TRIM37: variants seen among roughly 807,000 people sequenced by gnomAD.
The protein encoded by TRIM37 is E3 ubiquitin-protein ligase TRIM37.
A neutral mutation model predicts 129.8 loss-of-function variants in TRIM37; 80 were observed. The ratio of observed to expected loss-of-function variants is 0.62; its 90% confidence interval spans 0.51 to 0.74. TRIM37 has a LOEUF of 0.74. TRIM37 is among the 30% of genes least tolerant of loss of function. The probability of loss-of-function intolerance (pLI) is 0.00; values close to 1 mark genes in which losing one functional copy is unlikely to be tolerated. For synonymous variants in TRIM37, 389 were observed against 387.1 expected (o/e 1.00, Z -0.06); for missense variants, 1,054 against 1,176.5 (o/e 0.90, Z 1.52).
chr17:58,968,331 G>C, the TRIM37 span, among the ~76,000 whole-genome samples: 2 of 152,056 alleles, frequency 1.3e-5, no homozygotes, highest in Non-Finnish European at 2.9e-5. Flanking sequence ...AGGCTGAGGC[G>C]GGATGATCCT....
chr17:58,993,967 A>G (rs2032714458), downstream of TRIM37, among the ~76,000 whole-genome samples: 2 of 152,190 alleles, frequency 1.3e-5, no homozygotes, highest in African/African-American at 4.8e-5. Flanking sequence ...TAAAGACTAA[A>G]AGAACTGTAT....
At chr17:59,099,876 T>C (rs922846473) in intron 2 of TRIM37, among the ~76,000 whole-genome samples, 1 of 152,180 alleles carries the variant, frequency 6.6e-6, no homozygotes, top group African/African-American at 2.4e-5. Context: ...CGATCTCGGC[T>C]CACCACAACC....
At chr17:59,010,277 T>C (rs762860693) in intron 22 of TRIM37, among the ~76,000 whole-genome samples, 9 of 152,182 alleles carry the variant, frequency 5.9e-5, no homozygotes, top group Non-Finnish European at 1.2e-4. Flanking sequence ...GAAACACTAC[T>C]GGTATCTAGT....
rs56956832 is a variant in TRIM37 at position 59,087,458 on chromosome 17, C to CTT, written c.281+831_281+832dup. 1.7e-3 allele frequency among the ~76,000 whole-genome samples: 216 copies of CTT among 130,790 alleles called. 1 individual carries two copies. The highest frequency in any genetic ancestry group is 2.0e-3 in the African/African-American group (71 of 35,468). 85.8% of individuals were successfully genotyped at this position (130,790 alleles called of 152,430 possible). A position where few individuals can be genotyped will look rare whatever the true frequency, so the allele number is the denominator to read the frequency against. On this transcript the variant is annotated intron_variant, in intron 4 of 23. Coordinates refer to ENST00000262294, the MANE Select transcript of TRIM37 (RefSeq NM_015294.6). ...TATACTACCATAATTAAGCCTCTTT[C>CTT]TTTTTTTTTTTTTTTTTCTTTTTTT...
At chr17:59,054,948 G>A (rs1437085685) in intron 13 of TRIM37, among the ~76,000 whole-genome samples, 2 of 152,002 alleles carry the variant, frequency 1.3e-5, no homozygotes, top group African/African-American at 2.4e-5. Flanking sequence ...TTACAGGCGT[G>A]AGCCACCACA....
At chr17:58,977,278 A>C in the TRIM37 span, among the ~76,000 whole-genome samples, 2 of 152,128 alleles carry the variant, frequency 1.3e-5, no homozygotes, top group Non-Finnish European at 2.9e-5. Context: ...CCCTGTCTCT[A>C]CTAAAAACAC....
At chr17:59,041,289 G>C (rs574037347) in intron 17 of TRIM37, among the ~76,000 whole-genome samples, 2 of 152,250 alleles carry the variant, frequency 1.3e-5, no homozygotes, top group Admixed American at 6.5e-5. Flanking sequence ...GTTCTAGTCT[G>C]GTTGTACTAA....
At chr17:59,036,772 C>T (rs529799309) in intron 17 of TRIM37, among the ~76,000 whole-genome samples, 2 of 152,158 alleles carry the variant, frequency 1.3e-5, no homozygotes, top group South Asian at 2.1e-4. Context: ...AACTTAACAT[C>T]GTAATTCTTT....
At chr17:59,083,055 A>G (rs1455279335) in intron 5 of TRIM37, among the ~76,000 whole-genome samples, 2 of 152,170 alleles carry the variant, frequency 1.3e-5, no homozygotes, top group African/African-American at 2.4e-5. Context: ...CATTTCACCC[A>G]TAACTTATTT....
At chr17:58,982,751 G>T in exon 25 of TRIM37, 3 of 556,866 alleles carry the variant, frequency 5.4e-6, no homozygotes, top group South Asian at 3.1e-5. Context: ...TTCTTCTCAC[G>T]TCTGTGACAA....
At chr17:59,065,371 T>C (rs976686374) in intron 9 of TRIM37, among the ~76,000 whole-genome samples, 2 of 152,170 alleles carry the variant, frequency 1.3e-5, no homozygotes, top group African/African-American at 4.8e-5. Flanking sequence ...ATCTACACAT[T>C]TTTATAGGAT....
chr17:59,028,054 T>G (rs997393952), intron 19 of TRIM37, among the ~76,000 whole-genome samples: 1 of 152,196 alleles, frequency 6.6e-6, no homozygotes, highest in African/African-American at 2.4e-5. Context: ...ATGTCTCATC[T>G]GCTCCTCCCA....
chr17:59,104,752 ACTT>A (rs1158806014), intron 1 of TRIM37, among the ~76,000 whole-genome samples: 1 of 152,112 alleles, frequency 6.6e-6, no homozygotes, highest in Non-Finnish European at 1.5e-5. Flanking sequence ...CACCAGAAAT[ACTT>A]CTTCATCTAA....
intron 8 of TRIM37, 41 bp from the exon 9 acceptor site, chr17:59,070,988 A>G (rs1568164748): frequency 6.2e-7 from 1 of 1,609,412 alleles, no homozygotes; most frequent in Non-Finnish European, 8.5e-7. Flanking sequence ...CAAAATTACT[A>G]TTCACTGCCA....
chr17:58,977,467 A>G, the TRIM37 span, among the ~76,000 whole-genome samples: 2 of 151,962 alleles, frequency 1.3e-5, no homozygotes, highest in African/African-American at 2.4e-5. Flanking sequence ...GAAATAATGA[A>G]TGAATGAATG....
intron 2 of TRIM37, among the ~76,000 whole-genome samples, chr17:59,102,279 G>C (rs760139414): frequency 1.3e-5 from 2 of 152,128 alleles, no homozygotes; most frequent in Non-Finnish European, 2.9e-5. Flanking sequence ...TAAGGGGCAG[G>C]AGGAAGAAGA....
intron 19 of TRIM37, among the ~76,000 whole-genome samples, chr17:59,021,062 T>A (rs1411698671): frequency 6.6e-6 from 1 of 152,034 alleles, no homozygotes; most frequent in Non-Finnish European, 1.5e-5. Flanking sequence ...ATAACCATGG[T>A]TTGGAAGCAA....
chr17:59,105,665 ACT>A (rs1408981700), intron 1 of TRIM37, among the ~76,000 whole-genome samples: 5 of 152,282 alleles, frequency 3.3e-5, no homozygotes, highest in East Asian at 1.9e-4. Flanking sequence ...TCTCATCATG[ACT>A]CTGTAGGGCC....
downstream of TRIM37, chr17:58,980,443 A>C (rs2031288399): frequency 4.3e-6 from 7 of 1,613,998 alleles, no homozygotes; most frequent in African/African-American, 1.3e-5. This position sits in a 1 kb window ranked among gnomAD's most constrained non-coding sequence, Gnocchi z 4.7. Flanking sequence ...CAGGGTCCCA[A>C]ATCAACGTGC....
Sources: gnomAD v4.1 joint callset for allele counts (sites outside exome capture counted in the v4.1 genomes callset) on GRCh38, gnomAD v4.1.1 for gene constraint, Gnocchi (gnomAD v3.1) non-coding constraint, MANE v1.5 for transcripts, NCBI Gene and HGNC (gene_info 2026-07-23, HGNC 2026-07-21) for gene names.